Variants in DCAF10 observed in about 807,000 individuals in gnomAD.
The protein encoded by DCAF10 is DDB1- and CUL4-associated factor 10.
Under a neutral mutation model 51.9 loss-of-function variants are expected in DCAF10, and 19 were observed. That is an observed-to-expected ratio of 0.37 (90% CI 0.26 to 0.54). DCAF10 has a LOEUF of 0.54. Ranked by LOEUF, DCAF10 falls within the 20% of genes least tolerant of loss-of-function variation. The pLI, the probability that DCAF10 is intolerant of heterozygous loss-of-function variation, is 0.87. For synonymous variants in DCAF10, 291 were observed against 297.1 expected (o/e 0.98, Z 0.21); for missense variants, 510 against 730.6 (o/e 0.70, Z 3.48).
intron 1 of DCAF10, among the ~76,000 whole-genome samples, chr9:37,815,496 T>C (rs898238425): frequency 1.2e-4 from 19 of 152,016 alleles, no homozygotes; most frequent in Non-Finnish European, 2.1e-4. Context: ...AATACAAAAA[T>C]TAGCTGGGCA....
intron 2 of DCAF10, among the ~76,000 whole-genome samples, chr9:37,831,397 G>T (rs1830003451): frequency 6.6e-6 from 1 of 152,078 alleles, no homozygotes; most frequent in Non-Finnish European, 1.5e-5. Flanking sequence ...GACAGATATT[G>T]TAGCTATTTA....
chr9:37,800,665 A>G, upstream of DCAF10: 1 of 1,535,704 alleles, frequency 6.5e-7, no homozygotes, highest in Non-Finnish European at 8.7e-7. Context: ...CTCGCTCCCT[A>G]CCTCCGTTCC....
chr9:37,857,831 T>C (rs1235310048), intron 5 of DCAF10, among the ~76,000 whole-genome samples: 1 of 152,182 alleles, frequency 6.6e-6, no homozygotes, highest in Non-Finnish European at 1.5e-5. Flanking sequence ...CTCCTCTCTG[T>C]ATTTCCCAGT....
At position 37,864,583 on chromosome 9, in the gene DCAF10, C is replaced by CAAAAAAAA. The variant is rs778815619; in HGVS notation, c.*3085_*3092dup. The CAAAAAAAA allele has an allele frequency of 8.3e-6, 1 of 121,088 alleles. No homozygotes were observed. The highest frequency in any genetic ancestry group is 1.8e-5 in the Non-Finnish European group (1 of 54,754). The allele number at this position is 121,088 out of a possible 1,614,324, so 7.5% of individuals were successfully genotyped here. ...TGACCAGCAGAGCGAGACTCTGCCT[C>CAAAAAAAA]AAAAAAAAAAAAAAAAATAAAATAA... On this transcript the variant is annotated 3_prime_UTR_variant, in exon 7 of 7. Coordinates refer to ENST00000377724, the MANE Select transcript of DCAF10 (RefSeq NM_024345.5).
At chr9:37,804,426 C>T (rs539317811) in intron 1 of DCAF10, among the ~76,000 whole-genome samples, 3 of 152,182 alleles carry the variant, frequency 2.0e-5, no homozygotes, top group African/African-American at 7.2e-5. Flanking sequence ...AGCAAGAATT[C>T]TTTCTAGACA....
rs770292432 is a variant in DCAF10, at chr9:37,863,325, C to CAAAAA, written c.*1837_*1841dup. 8.7e-4 allele frequency: 50 copies of CAAAAA among 57,412 alleles called. 1 individual carries two copies. Among genetic ancestry groups the CAAAAA allele is most frequent in the African/African-American group, 2.8e-3 (46 of 16,438 alleles). 3.6% of individuals were successfully genotyped at this position (57,412 alleles called of 1,614,324 possible). On this transcript the variant is annotated 3_prime_UTR_variant, in exon 7 of 7. Transcript: ENST00000377724. ...TAGGCGACAGAGCGAGACTCTGTCT[C>CAAAAA]AAAAAAAAAAAAAAAAAAAAAAAAT...
chr9:37,853,765 T>G (rs1309585206), intron 3 of DCAF10, among the ~76,000 whole-genome samples: 1 of 151,970 alleles, frequency 6.6e-6, no homozygotes, highest in Non-Finnish European at 1.5e-5. Context: ...GACAGGGTCT[T>G]GCTATGTTGC....
chr9:37,846,244 T>A (rs1206105410), intron 3 of DCAF10, among the ~76,000 whole-genome samples: 1 of 152,164 alleles, frequency 6.6e-6, no homozygotes, highest in Non-Finnish European at 1.5e-5. Flanking sequence ...ATAAAATGGG[T>A]AAATCTGTAT....
chr9:37,839,938 C>CCCTAGGAA (rs930342007), intron 2 of DCAF10, among the ~76,000 whole-genome samples: 15 of 152,254 alleles, frequency 9.9e-5, no homozygotes, highest in African/African-American at 3.4e-4. Flanking sequence ...CTAACCATGA[C>CCCTAGGAA]CCTAGGCAGA....
rs528251813 is a variant in DCAF10 at position 37,864,008 on chromosome 9, G to C, written c.*2500G>C. 18 of 147,990 alleles carry C rather than the reference G, an allele frequency of 1.2e-4. No homozygotes were observed. Among genetic ancestry groups the C allele is most frequent in the Non-Finnish European group, 2.5e-4 (17 of 66,702 alleles). 9.2% of individuals were successfully genotyped at this position (147,990 alleles called of 1,614,324 possible). ...CACATTTTTTAAAGAAAATAGGGAT[G>C]GGTATGGTGGCTCACGTCTGTAATC... On this transcript the variant is annotated 3_prime_UTR_variant, in exon 7 of 7. Coordinates refer to ENST00000377724, the MANE Select transcript of DCAF10 (RefSeq NM_024345.5).
chr9:37,801,296 A>T lies in DCAF10; in HGVS notation c.430A>T (p.Asn144Tyr). 6.3e-7 allele frequency: 1 copy of T among 1,597,452 alleles called. No homozygotes were observed. The highest frequency in any genetic ancestry group is 1.7e-5 in the Admixed American group (1 of 58,824). The change falls in exon 1 of 7, where the codon AAT (asparagine) becomes TAT (tyrosine). Residue 144 changes from asparagine (N) to tyrosine (Y), a missense_variant. Asn to Tyr is a moderately radical substitution (Grantham distance 143). Transcript: ENST00000377724. The surrounding 1 kb of genome is among the most constrained non-coding windows in gnomAD (Gnocchi z 5.5). ...GCTGTTCGTGGACCCGGCGCGGGAC[A>T]ATTTTCGCACCATGACTAGCCTCTA... Reference protein sequence around the residue: ...RGLFVDPARDNFRTMTSLYGS... With the variant: ...RGLFVDPARDYFRTMTSLYGS...
chr9:37,861,828 TTCCCTCTCCCTG>T lies in DCAF10; in HGVS notation c.*329_*340del, dbSNP rs1331320262. ...TTCCTTCCTCACTCTCTATTTCTCT[TTCCCTCTCCCTG>T]TCCCTCTCTTTCTTTGTGTTTGTTG... On this transcript the variant is annotated 3_prime_UTR_variant, in exon 7 of 7. Coordinates refer to ENST00000377724, the MANE Select transcript of DCAF10 (RefSeq NM_024345.5). The surrounding 1 kb of genome is among the most constrained non-coding windows in gnomAD (Gnocchi z 4.9). 5 of 224,440 alleles carry T rather than the reference TTCCCTCTCCCTG, an allele frequency of 2.2e-5. No homozygotes were observed. Among genetic ancestry groups the T allele is most frequent in the African/African-American group, 1.1e-4 (5 of 44,962 alleles). 13.9% of individuals were successfully genotyped at this position (224,440 alleles called of 1,614,324 possible).
chr9:37,821,508 G>A (rs913548650), intron 2 of DCAF10, among the ~76,000 whole-genome samples: 6 of 152,134 alleles, frequency 3.9e-5, no homozygotes, highest in African/African-American at 1.4e-4. Context: ...CTTGGACAAA[G>A]CAAACAAAAA....
At chr9:37,848,060 C>G (rs1298430023) in intron 3 of DCAF10, among the ~76,000 whole-genome samples, 1 of 152,110 alleles carries the variant, frequency 6.6e-6, no homozygotes, top group African/African-American at 2.4e-5. Flanking sequence ...TAATTAATAA[C>G]AAGTATTGGC....
chr9:37,806,824 T>G (rs951892077), intron 1 of DCAF10, among the ~76,000 whole-genome samples: 1 of 152,150 alleles, frequency 6.6e-6, no homozygotes, highest in Non-Finnish European at 1.5e-5. Context: ...ATGACACTCA[T>G]GTTATAAATG....
At chr9:37,807,275 T>G (rs534942994) in intron 1 of DCAF10, among the ~76,000 whole-genome samples, 114 of 152,096 alleles carry the variant, frequency 7.5e-4, no homozygotes, top group African/African-American at 2.4e-3. Context: ...TGAGCTCGAG[T>G]TCAAGACCAG....
chr9:37,848,246 T>C (rs1830532699), intron 3 of DCAF10, among the ~76,000 whole-genome samples: 1 of 152,172 alleles, frequency 6.6e-6, no homozygotes, highest in South Asian at 2.1e-4. Context: ...AATGAACATA[T>C]ATGGCCACAC....
intron 3 of DCAF10, among the ~76,000 whole-genome samples, chr9:37,845,132 A>G (rs1830440069): frequency 6.6e-6 from 1 of 152,238 alleles, no homozygotes; most frequent in South Asian, 2.1e-4. Flanking sequence ...GGATCAAAGA[A>G]GAAATCATAC....
chr9:37,840,559 GTGTT>G (rs1341455757), intron 2 of DCAF10, among the ~76,000 whole-genome samples: 2 of 152,206 alleles, frequency 1.3e-5, no homozygotes, highest in African/African-American at 2.4e-5. Flanking sequence ...GTTGTACAAT[GTGTT>G]TGTGTTTAAG....
Sources: allele counts gnomAD v4.1 joint callset (sites outside exome capture counted in the v4.1 genomes callset), GRCh38; gene constraint gnomAD v4.1.1; non-coding constraint Gnocchi (gnomAD v3.1); transcripts MANE v1.5; gene names NCBI Gene and HGNC (gene_info 2026-07-23, HGNC 2026-07-21).